BPTF: variants seen among roughly 807,000 people sequenced by gnomAD.
BPTF encodes bromodomain PHD finger transcription factor.
In BPTF, 18 loss-of-function variants were observed where a neutral mutation model predicts 292.5. The observed-to-expected ratio is 0.06, with a 90% CI of 0.04 to 0.09. The LOEUF (loss-of-function observed/expected upper bound fraction) is 0.09, where lower values mean the gene tolerates loss of function less well. BPTF is among the 10% of genes least tolerant of loss of function. The pLI is 1.00. For missense variants in BPTF, 2,726 were observed against 3,498.7 expected, an observed-to-expected ratio of 0.78 and a Z score of 5.57; for synonymous variants, 1,225 against 1,251.9, an observed-to-expected ratio of 0.98 and a Z score of 0.45.
intron 26 of BPTF, among the ~76,000 whole-genome samples, chr17:67,972,428 C>T (rs1311368767): frequency 3.3e-5 from 5 of 151,912 alleles, no homozygotes; most frequent in Non-Finnish European, 5.9e-5. Context: ...TTAGTAGAGA[C>T]GGGGTTTCAC....
At chr17:67,828,017 C>T (rs1306062202) in intron 1 of BPTF, among the ~76,000 whole-genome samples, 3 of 150,980 alleles carry the variant, frequency 2.0e-5, no homozygotes, top group East Asian at 1.9e-4. Context: ...CTGCAACCTC[C>T]GTCTTCCAGA....
At chr17:67,973,195 A>G (rs2068991306) in intron 26 of BPTF, among the ~76,000 whole-genome samples, 1 of 150,262 alleles carries the variant, frequency 6.7e-6, no homozygotes, top group Non-Finnish European at 1.5e-5. Flanking sequence ...TAACACGGTG[A>G]AACCCCGTCT....
At chr17:67,872,535 A>G (rs2059804884) in intron 3 of BPTF, among the ~76,000 whole-genome samples, 1 of 151,944 alleles carries the variant, frequency 6.6e-6, no homozygotes, top group Non-Finnish European at 1.5e-5. Flanking sequence ...GTGAAACCCC[A>G]TCTTTACTAA....
In BPTF at chr17:67,948,320, T is replaced by G; in HGVS notation, c.7926+14T>G. On this transcript the variant is annotated intron_variant, in intron 23 of 27. Transcript: ENST00000306378. Reference sequence around the variant, plus strand: ...ATTGAAGTGCAGGTAAGAGGGCACATCCTTTTCTTCTGTGTCCAGTGTTTA... The same window carrying G: ...ATTGAAGTGCAGGTAAGAGGGCACAGCCTTTTCTTCTGTGTCCAGTGTTTA... The G allele has an allele frequency of 6.3e-7, 1 of 1,598,474 alleles. No homozygotes were observed. The highest frequency in any genetic ancestry group is 8.5e-7 in the Non-Finnish European group (1 of 1,171,056).
At chr17:67,974,721 G>A (rs62086044) in intron 26 of BPTF, 1 of 152,362 alleles carries the variant, frequency 6.6e-6, no homozygotes, top group African/African-American at 2.4e-5. Flanking sequence ...AACACCAGGT[G>A]GAGAAGATGC....
At position 67,912,035 on chromosome 17, in the gene BPTF, C is replaced by A. The variant is rs149278101; in HGVS notation, c.4151C>A (p.Thr1384Asn). Residue 1384 changes from threonine (T) to asparagine (N), a missense_variant, in exon 11 of 28, where the codon ACC becomes AAC. Physicochemically the swap from Thr to Asn is moderately conservative, Grantham distance 65. Coordinates refer to ENST00000306378, the MANE Select transcript of BPTF (RefSeq NM_182641.4). ...AGTGATCAAATAAAGCTAAAAAATA[C>A]CACTGACAAAAAGAATAATGAAAAT... ...KCSDQIKLKN[T>N]TDKKNNENRE... 160 of 1,612,078 alleles carry A rather than the reference C, an allele frequency of 9.9e-5. No individual in the cohort carries two copies. The Middle Eastern group carries it at 1.5e-3, about 15-fold the overall frequency.
At chr17:67,862,519 AT>A (rs1475526776) in intron 2 of BPTF, among the ~76,000 whole-genome samples, 1 of 152,142 alleles carries the variant, frequency 6.6e-6, no homozygotes, top group Non-Finnish European at 1.5e-5. Context: ...AAGTGGTGGG[AT>A]CGGGATTTGA....
At chr17:67,907,063 T>G (rs1289875576) in intron 9 of BPTF, among the ~76,000 whole-genome samples, 1 of 151,854 alleles carries the variant, frequency 6.6e-6, no homozygotes, top group Non-Finnish European at 1.5e-5. Flanking sequence ...TACACACCTG[T>G]ATTCCCAGTT....
At chr17:67,894,580 G>A (rs1197589312) in intron 7 of BPTF, among the ~76,000 whole-genome samples, 6 of 152,112 alleles carry the variant, frequency 3.9e-5, no homozygotes, top group African/African-American at 1.4e-4. Flanking sequence ...TGCCCTCCTC[G>A]GCCTCCCAAA....
intron 23 of BPTF, among the ~76,000 whole-genome samples, chr17:67,949,870 C>T (rs2066147899): frequency 6.7e-6 from 1 of 150,294 alleles, no homozygotes; most frequent in African/African-American, 2.5e-5. Context: ...GCCTGGCTAA[C>T]GTGGTGAAAC....
At chr17:67,845,792 T>G (rs1372527580) in intron 1 of BPTF, among the ~76,000 whole-genome samples, 1 of 149,282 alleles carries the variant, frequency 6.7e-6, no homozygotes, top group Non-Finnish European at 1.5e-5. Flanking sequence ...ATATTTTATT[T>G]TATATATATT....
At chr17:67,945,327 C>G in intron 20 of BPTF, 82 bp from the exon 21 acceptor site, 1 of 1,535,482 alleles carries the variant, frequency 6.5e-7, no homozygotes, top group Non-Finnish European at 8.7e-7. Flanking sequence ...TTCTCAACTT[C>G]AGAAGATTTC....
intron 11 of BPTF, among the ~76,000 whole-genome samples, chr17:67,915,959 T>C (rs1302813034): frequency 1.3e-5 from 2 of 152,220 alleles, no homozygotes; most frequent in South Asian, 2.1e-4. Context: ...AAGGATACTT[T>C]AAAGTCATTG....
intron 4 of BPTF, among the ~76,000 whole-genome samples, chr17:67,881,786 C>T (rs985128292): frequency 2.0e-5 from 3 of 150,900 alleles, no homozygotes; most frequent in African/African-American, 7.3e-5. Flanking sequence ...CAGGTGTGAG[C>T]CACCCACCTG....
At chr17:67,942,110 GT>G (rs2065418380) in intron 19 of BPTF, among the ~76,000 whole-genome samples, 1 of 152,208 alleles carries the variant, frequency 6.6e-6, no homozygotes, top group African/African-American at 2.4e-5. Context: ...GAGGTCAGGA[GT>G]TTCAGACCAG....
At position 67,911,598 on chromosome 17, in the gene BPTF, A is replaced by G. The variant is rs776237286; in HGVS notation, c.3714A>G (p.Ile1238Met). 1.2e-6 allele frequency: 2 copies of G among 1,614,218 alleles called. No homozygotes were observed. The part of the protein sequence containing the change: ...TLICKNKKPL[I>M]QEESDTIVSS... ...TCTGTAAGAACAAAAAACCGCTCAT[A>G]CAGGAGGAAAGTGACACCATTGTTT... The change falls in exon 11 of 28, where the codon ATA becomes ATG. Residue 1238 changes from isoleucine (I) to methionine (M), a missense_variant. Coordinates refer to ENST00000306378, the MANE Select transcript of BPTF (RefSeq NM_182641.4).
intron 9 of BPTF, 39 bp from the exon 10 acceptor site, chr17:67,909,542 CT>C: frequency 7.3e-7 from 1 of 1,368,636 alleles, no homozygotes; most frequent in Non-Finnish European, 9.8e-7. Context: ...TGCTAATACT[CT>C]GGAAATAACG....
At chr17:67,835,000 G>A (rs2057012028) in intron 1 of BPTF, among the ~76,000 whole-genome samples, 1 of 152,094 alleles carries the variant, frequency 6.6e-6, no homozygotes, top group Non-Finnish European at 1.5e-5. Flanking sequence ...ATCACTTAAG[G>A]CAGCAGTTGA....
At chr17:67,868,562 C>T (rs2059522684) in intron 3 of BPTF, among the ~76,000 whole-genome samples, 1 of 152,216 alleles carries the variant, frequency 6.6e-6, no homozygotes, top group African/African-American at 2.4e-5. Flanking sequence ...CCTTTGGCCA[C>T]AGAGGGCTGA....
Sources: gnomAD v4.1 joint callset for allele counts (sites outside exome capture counted in the v4.1 genomes callset) on GRCh38, gnomAD v4.1.1 for gene constraint, MANE v1.5 for transcripts, NCBI Gene and HGNC (gene_info 2026-07-23, HGNC 2026-07-21) for gene names.